GUCY1A1: variants seen among roughly 807,000 people sequenced by gnomAD.
GUCY1A1 encodes the protein guanylate cyclase 1 soluble subunit alpha 1.
A neutral mutation model predicts 64.5 loss-of-function variants in GUCY1A1; 48 were observed. The ratio of observed to expected loss-of-function variants is 0.74; its 90% confidence interval spans 0.59 to 0.95. The LOEUF is 0.95. Among genes scored for constraint, GUCY1A1 ranks in the 40% least tolerant of loss-of-function variants. The probability of loss-of-function intolerance (pLI) is 0.00; values close to 1 mark genes in which losing one functional copy is unlikely to be tolerated. For synonymous variants in GUCY1A1, 308 were observed against 303.4 expected, an observed-to-expected ratio of 1.02 and a Z score of -0.16; for missense variants, 804 against 825.3, an observed-to-expected ratio of 0.97 and a Z score of 0.32.
Position 155,696,883 on chromosome 4 carries a change from C to A in GUCY1A1, c.16C>A (p.Leu6Ile), listed in dbSNP as rs1370223858. 1.9e-6 allele frequency: 3 copies of A among 1,613,460 alleles called. No homozygotes were observed. The highest frequency in any genetic ancestry group is 2.5e-6 in the Non-Finnish European group (3 of 1,179,514). The change falls in exon 3 of 10, where the codon CTC (leucine) becomes ATC (isoleucine). Residue 6 changes from leucine to isoleucine, a missense_variant. Transcript: ENST00000506455. ...CACCAACACCATGTTCTGCACGAAG[C>A]TCAAGGATCTCAAGATCACAGGAGA... MFCTK[L>I]KDLKITGECP...
intron 5 of GUCY1A1, 137 bp from the exon 6 acceptor site, chr4:155,710,405 A>G: frequency 1.7e-6 from 1 of 590,732 alleles, no homozygotes; most frequent in Non-Finnish European, 3.0e-6. Context: ...TAGGGGTTTC[A>G]TTTTGGTTGG....
At chr4:155,694,751 G>A (rs1231176137) in intron 2 of GUCY1A1, among the ~76,000 whole-genome samples, 1 of 152,042 alleles carries the variant, frequency 6.6e-6, no homozygotes, top group Admixed American at 6.6e-5. Context: ...TTACAGAAAA[G>A]GTTAAAGCAC....
At chr4:155,724,351 C>T (rs1734376802) in intron 9 of GUCY1A1, among the ~76,000 whole-genome samples, 1 of 152,120 alleles carries the variant, frequency 6.6e-6, no homozygotes, top group African/African-American at 2.4e-5. Flanking sequence ...CCGGCTTCTG[C>T]TACAATTTTC....
At chr4:155,676,300 G>GTTT (rs10532055) in intron 2 of GUCY1A1, among the ~76,000 whole-genome samples, 2,607 of 140,798 alleles carry the variant, frequency 0.019, 113 homozygotes, top group African/African-American at 0.063. Context: ...AGAAGAGCTG[G>GTTT]TTTTTTTTTT....
chr4:155,696,608 G>A (rs1487132758), intron 2 of GUCY1A1, 148 bp from the exon 3 acceptor site: 2 of 362,242 alleles, frequency 5.5e-6, no homozygotes, highest in African/African-American at 2.1e-5. Context: ...TTTGCCAAAT[G>A]TCCTGCTCAT....
chr4:155,685,750 T>G (rs1728919311), intron 2 of GUCY1A1, among the ~76,000 whole-genome samples: 1 of 152,120 alleles, frequency 6.6e-6, no homozygotes, highest in South Asian at 2.1e-4. Context: ...CTGTATAAGT[T>G]TCTTGTCCTT....
intron 2 of GUCY1A1, among the ~76,000 whole-genome samples, chr4:155,693,196 G>A (rs28633894): frequency 0.016 from 2,384 of 152,112 alleles, 64 homozygotes; most frequent in African/African-American, 0.054. Flanking sequence ...TTCTCACCAC[G>A]GCAAAGTTAA....
Position 155,732,142 on chromosome 4 carries a change from G to T in GUCY1A1, c.*1911G>T, listed in dbSNP as rs1735622680. ...CAAACATTTCAGCAGACCTCAATTTGCTTACAATCTGTACTCAAAAAGTTT... is the reference window on the plus strand; with the variant it reads ...CAAACATTTCAGCAGACCTCAATTTTCTTACAATCTGTACTCAAAAAGTTT... On this transcript the variant is annotated 3_prime_UTR_variant, in exon 10 of 10. Coordinates refer to ENST00000506455, the MANE Select transcript of GUCY1A1 (RefSeq NM_001130682.3). The T allele has an allele frequency of 6.6e-6, 1 of 151,776 alleles. No individual in the cohort carries two copies. The highest frequency in any genetic ancestry group is 1.5e-5 in the Non-Finnish European group (1 of 67,840). The allele number at this position is 151,776 out of a possible 1,614,324, so 9.4% of individuals were successfully genotyped here.
chr4:155,680,193 G>C (rs1221160736), intron 2 of GUCY1A1, among the ~76,000 whole-genome samples: 1 of 152,034 alleles, frequency 6.6e-6, no homozygotes, highest in South Asian at 2.1e-4. Flanking sequence ...CATATATTTA[G>C]ACCTTCCTTA....
intron 7 of GUCY1A1, 65 bp downstream of exon 7, chr4:155,713,648 T>TA: frequency 6.5e-7 from 1 of 1,545,806 alleles, no homozygotes; most frequent in South Asian, 1.2e-5. Flanking sequence ...GCACTGTGCC[T>TA]AGGACCTGAA....
intron 9 of GUCY1A1, 149 bp downstream of exon 9, chr4:155,722,341 T>A (rs1176753710): frequency 1.4e-6 from 2 of 1,434,314 alleles, no homozygotes; most frequent in African/African-American, 2.9e-5. Flanking sequence ...ATCCTCACTT[T>A]AACTTTTTTA....
chr4:155,730,074 G>T lies in GUCY1A1; in HGVS notation c.1916G>T (p.Arg639Met), dbSNP rs764715234. 1 of 1,610,654 alleles carries T rather than the reference G, an allele frequency of 6.2e-7. No homozygotes were observed. The highest frequency in any genetic ancestry group is 1.1e-5 in the South Asian group (1 of 90,976). Residue 639 changes from arginine (R) to methionine (M), a missense_variant, in exon 10 of 10, where the codon AGG (arginine) becomes ATG (methionine). Coordinates refer to ENST00000506455, the MANE Select transcript of GUCY1A1 (RefSeq NM_001130682.3). ...GGTTTCGTGTTTACCCCTCGATCAA[G>T]GGAGGAACTTCCACCAAACTTCCCT... Reference protein sequence around the residue: ...CPGFVFTPRSREELPPNFPSE... With the variant: ...CPGFVFTPRSMEELPPNFPSE...
At chr4:155,698,407 G>A (rs1350371225) in intron 3 of GUCY1A1, among the ~76,000 whole-genome samples, 1 of 152,150 alleles carries the variant, frequency 6.6e-6, no homozygotes, top group African/African-American at 2.4e-5. Context: ...GCCCTCCTCA[G>A]GGAGTTGGTT....
intron 2 of GUCY1A1, among the ~76,000 whole-genome samples, chr4:155,677,855 AAT>A (rs3043660): frequency 0.5 from 76,118 of 151,094 alleles, 20,404 homozygotes; most frequent in East Asian, 0.83. Flanking sequence ...CCATTTCAAA[AAT>A]ATATATATAT....
Position 155,710,843 on chromosome 4 carries a change from A to T in GUCY1A1, c.678A>T (p.Leu226Phe), listed in dbSNP as rs1413347686. 3.7e-6 allele frequency: 6 copies of T among 1,614,026 alleles called. No individual in the cohort carries two copies. The highest frequency in any genetic ancestry group is 4.2e-6 in the Non-Finnish European group (5 of 1,180,012). The change falls in exon 6 of 10, where the codon TTA (leucine) becomes TTT (phenylalanine). Residue 226 changes from leucine to phenylalanine, a missense_variant. By Grantham distance (22) the Leu-to-Phe change is conservative. Coordinates refer to ENST00000506455, the MANE Select transcript of GUCY1A1 (RefSeq NM_001130682.3). ...TCATAAAGGCAGCTGCTCACGTATTATATGAAACGGAAGTGGAAGTGTCGT... is the reference window on the plus strand; with the variant it reads ...TCATAAAGGCAGCTGCTCACGTATTTTATGAAACGGAAGTGGAAGTGTCGT... Reference protein sequence around the residue: ...PGIIKAAAHVLYETEVEVSLM... With the variant: ...PGIIKAAAHVFYETEVEVSLM...
chr4:155,714,062 A>G (rs1004569606), intron 7 of GUCY1A1, among the ~76,000 whole-genome samples: 1 of 152,224 alleles, frequency 6.6e-6, no homozygotes, highest in African/African-American at 2.4e-5. Flanking sequence ...TTACTTCAAT[A>G]TAGAGTTAAC....
intron 2 of GUCY1A1, among the ~76,000 whole-genome samples, chr4:155,687,711 C>T (rs1009069935): frequency 6.6e-5 from 10 of 152,134 alleles, no homozygotes; most frequent in African/African-American, 1.9e-4. Context: ...CAGTTAAGAA[C>T]TTCACTAATG....
At chr4:155,674,764 G>A (rs1344516480) in intron 2 of GUCY1A1, among the ~76,000 whole-genome samples, 1 of 151,534 alleles carries the variant, frequency 6.6e-6, no homozygotes, top group African/African-American at 2.5e-5. Context: ...GAAACTGCCT[G>A]AGGCTGTTTT....
intron 2 of GUCY1A1, among the ~76,000 whole-genome samples, chr4:155,675,771 A>T (rs916324606): frequency 1.3e-5 from 2 of 151,594 alleles, no homozygotes; most frequent in Non-Finnish European, 2.9e-5. Context: ...AGAACAAATT[A>T]TCCTAATTAA....
Sources: allele counts gnomAD v4.1 joint callset (sites outside exome capture counted in the v4.1 genomes callset), GRCh38; gene constraint gnomAD v4.1.1; transcripts MANE v1.5; gene names NCBI Gene and HGNC (gene_info 2026-07-23, HGNC 2026-07-21).